Variants in PAICS observed in about 807,000 individuals in gnomAD.
The protein encoded by PAICS is bifunctional phosphoribosylaminoimidazole carboxylase/phosphoribosylaminoimidazole succinocarboxamide synthetase.
Under a neutral mutation model 53.7 loss-of-function variants are expected in PAICS, and 33 were observed. The observed-to-expected ratio is 0.61, with a 90% confidence interval of 0.47 to 0.82. The LOEUF is 0.82. PAICS is among the 40% of genes least tolerant of loss of function. The pLI, the probability that PAICS is intolerant of heterozygous loss-of-function variation, is 0.00. For synonymous variants in PAICS, 141 were observed against 167.2 expected (o/e 0.84, Z 1.21); for missense variants, 394 against 494.1 (o/e 0.80, Z 1.92).
At chr4:56,416,005 G>A in the PAICS span, among the ~76,000 whole-genome samples, 2 of 151,896 alleles carry the variant, frequency 1.3e-5, no homozygotes, top group Non-Finnish European at 2.9e-5. Flanking sequence ...GGGAGGCGGA[G>A]GTTGCAGTGA....
chr4:56,463,318 A>G lies in PAICS; in HGVS notation c.*3780A>G, dbSNP rs964086598. On this transcript the variant is annotated 3_prime_UTR_variant, in exon 9 of 9. Transcript: ENST00000512576. ...TGCCTCTGAGTTGATAAGATACCAT[A>G]AGATACTGTACATGAGGCTGGGCGC... The G allele has an allele frequency of 4.0e-5, 6 of 151,852 alleles. No individual in the cohort carries two copies. The highest frequency in any genetic ancestry group is 3.3e-4 in the Admixed American group (5 of 15,232). 9.4% of individuals were successfully genotyped at this position (151,852 alleles called of 1,614,324 possible).
At position 56,441,740 on chromosome 4, in the gene PAICS, C is replaced by T. The variant is rs1225475816; in HGVS notation, c.94C>T (p.Leu32Phe). 4 of 1,604,398 alleles carry T rather than the reference C, an allele frequency of 2.5e-6. No individual in the cohort carries two copies. The highest frequency in any genetic ancestry group is 1.3e-5 in the African/African-American group (1 of 74,748). ...YELLDSPGKV[L>F]LQSKDQITAG... ...ATTGTTAGACAGTCCAGGAAAAGTC[C>T]TCCTGCAGTCCAAGGACCAGATTAC... The change falls in exon 2 of 9, where the codon CTC becomes TTC. Residue 32 changes from leucine (L) to phenylalanine (F), a missense_variant. Leu to Phe is a conservative substitution (Grantham distance 22, BLOSUM62 0). Coordinates refer to ENST00000512576, the MANE Select transcript of PAICS (RefSeq NM_001079524.2).
chr4:56,456,626 C>G lies in PAICS; in HGVS notation c.1112-2746C>G, dbSNP rs141486829. Among the ~76,000 whole-genome samples the G allele has an allele frequency of 7.2e-3, 1,091 of 151,526 alleles. 17 individuals carry two copies. Among genetic ancestry groups the G allele is most frequent in the African/African-American group, 0.025 (1,022 of 41,298 alleles). The stretch of plus-strand genomic sequence containing the variant: ...CACTCCGTATGTTGTCCAGGCTTGT[C>G]CTGAACTCCTGGACTCAAGCAATCT... On this transcript the variant is annotated intron_variant, in intron 8 of 8. Coordinates refer to ENST00000512576, the MANE Select transcript of PAICS (RefSeq NM_001079524.2).
chr4:56,425,712 C>T, the PAICS span, among the ~76,000 whole-genome samples: 2 of 151,980 alleles, frequency 1.3e-5, no homozygotes, highest in Non-Finnish European at 2.9e-5. Context: ...GGGTAGTCAC[C>T]GAAAAAGACC....
intron 8 of PAICS, among the ~76,000 whole-genome samples, chr4:56,456,405 C>T (rs1401927234): frequency 5.3e-5 from 8 of 151,948 alleles, no homozygotes; most frequent in Non-Finnish European, 8.8e-5. Context: ...ATTTTGGATA[C>T]AGGTGTTTTT....
the PAICS span, among the ~76,000 whole-genome samples, chr4:56,413,801 A>G: frequency 7.6e-4 from 116 of 152,150 alleles, no homozygotes; most frequent in African/African-American, 2.7e-3. Flanking sequence ...GGAGGCTGAG[A>G]CAGGAGAATC....
Position 56,459,551 on chromosome 4 carries a change from T to C in PAICS, c.*13T>C, listed in dbSNP as rs1719399726. On this transcript the variant is annotated 3_prime_UTR_variant, in exon 9 of 9. Coordinates refer to ENST00000512576, the MANE Select transcript of PAICS (RefSeq NM_001079524.2). ...ATGTAATTTATAAGAAAGAATGCCA[T>C]TGAATTTTTTAGGGGAAAAACTACA... 6.6e-7 allele frequency: 1 copy of C among 1,523,190 alleles called. No homozygotes were observed. 94.4% of individuals were successfully genotyped at this position (1,523,190 alleles called of 1,614,324 possible).
the PAICS span, chr4:56,410,888 A>C: frequency 4.4e-6 from 3 of 685,134 alleles, no homozygotes; most frequent in African/African-American, 2.2e-5. Context: ...AGCCCCAGAG[A>C]CCACTGAAGG....
At chr4:56,436,200 G>T, upstream of PAICS, 2 of 1,526,200 alleles carry the variant, frequency 1.3e-6, no homozygotes, top group Non-Finnish European at 1.8e-6. Flanking sequence ...AGTGGCGCAG[G>T]GTCGCGCGGC....
At chr4:56,449,477 G>C (rs1170990146) in intron 5 of PAICS, among the ~76,000 whole-genome samples, 1 of 152,116 alleles carries the variant, frequency 6.6e-6, no homozygotes, top group Admixed American at 6.5e-5. Flanking sequence ...CAAGGATCTA[G>C]AACCAGAAAT....
At chr4:56,435,955 C>T (rs770571895), upstream of PAICS, 6 of 1,510,154 alleles carry the variant, frequency 4.0e-6, no homozygotes, top group Middle Eastern at 1.8e-4. Flanking sequence ...GAGTCGCTCC[C>T]GCAGCCGAGA....
chr4:56,454,420 G>A (rs1045679693), intron 8 of PAICS, among the ~76,000 whole-genome samples: 8 of 152,104 alleles, frequency 5.3e-5, no homozygotes, highest in African/African-American at 1.9e-4. Context: ...TCTGTTAGTT[G>A]TTGGTATCTT....
intron 1 of PAICS, among the ~76,000 whole-genome samples, chr4:56,440,519 A>G (rs891207002): frequency 6.6e-6 from 1 of 152,140 alleles, no homozygotes; most frequent in African/African-American, 2.4e-5. Flanking sequence ...AGCAATGTAC[A>G]TATACCCAGA....
In PAICS at chr4:56,459,605, A is replaced by G; in HGVS notation, c.*67A>G. On this transcript the variant is annotated 3_prime_UTR_variant, in exon 9 of 9. Transcript: ENST00000512576. ...TTCTAATTTAGCTGAAGGAAAATCA[A>G]GCAAGATGAAAAGGTAATTTTAAAT... The G allele has an allele frequency of 8.3e-7, 1 of 1,199,114 alleles. No homozygotes were observed. Among genetic ancestry groups the G allele is most frequent in the South Asian group, 1.6e-5 (1 of 63,710 alleles). The allele number at this position is 1,199,114 out of a possible 1,614,324, so 74.3% of individuals were successfully genotyped here. A position where few individuals can be genotyped will look rare whatever the true frequency, so the allele number is the denominator to read the frequency against.
chr4:56,435,045 A>G (rs1368452108), upstream of PAICS, among the ~76,000 whole-genome samples: 4 of 152,132 alleles, frequency 2.6e-5, no homozygotes, highest in African/African-American at 9.7e-5. Flanking sequence ...AGCTAGACCA[A>G]GCAAACCGGC....
At chr4:56,438,397 AT>A (rs1266944929) in intron 1 of PAICS, among the ~76,000 whole-genome samples, 18 of 103,372 alleles carry the variant, frequency 1.7e-4, no homozygotes, top group African/African-American at 6.1e-4. Flanking sequence ...ATATATATAT[AT>A]ATATAAAAGG....
At position 56,459,633 on chromosome 4, in the gene PAICS, G is replaced by C. The variant is rs1719403777; in HGVS notation, c.*95G>C. ...AAGATGAAAAGGTAATTTTAAATTA[G>C]AGAACACAAATAAAATGTATTAGTG... On this transcript the variant is annotated 3_prime_UTR_variant, in exon 9 of 9. Coordinates refer to ENST00000512576, the MANE Select transcript of PAICS (RefSeq NM_001079524.2). The C allele has an allele frequency of 7.7e-6, 7 of 914,776 alleles. No individual in the cohort carries two copies. In the East Asian group the frequency reaches 1.8e-4, roughly 23 times the overall value. 56.7% of individuals were successfully genotyped at this position (914,776 alleles called of 1,614,324 possible). A position where few individuals can be genotyped will look rare whatever the true frequency, so the allele number is the denominator to read the frequency against.
At chr4:56,448,679 T>C (rs1185791980) in intron 4 of PAICS, 31 bp from the exon 5 acceptor site, 2 of 1,525,910 alleles carry the variant, frequency 1.3e-6, no homozygotes, top group Non-Finnish European at 1.8e-6. Context: ...TAAAATAGTT[T>C]TTGAAAACTT....
At chr4:56,442,306 T>G (rs1300405220) in intron 2 of PAICS, among the ~76,000 whole-genome samples, 11 of 152,200 alleles carry the variant, frequency 7.2e-5, no homozygotes. Context: ...TGAAAAGTAG[T>G]TGAAGACAGC....
Sources: gnomAD v4.1 joint callset for allele counts (sites outside exome capture counted in the v4.1 genomes callset) on GRCh38, gnomAD v4.1.1 for gene constraint, MANE v1.5 for transcripts, NCBI Gene and HGNC (gene_info 2026-07-23, HGNC 2026-07-21) for gene names.